YBX3: variants seen among roughly 807,000 people sequenced by gnomAD.
YBX3 encodes Y-box binding protein 3, also known as Y-box-binding protein 3.
Under a neutral mutation model 42.4 loss-of-function variants are expected in YBX3, and 29 were observed. The ratio of observed to expected loss-of-function variants is 0.68; its 90% confidence interval spans 0.51 to 0.93. The LOEUF is 0.93. YBX3 is among the 40% of genes least tolerant of loss of function. YBX3 has a pLI of 0.00. For synonymous variants in YBX3, 195 were observed against 189.8 expected (o/e 1.03, Z -0.22); for missense variants, 517 against 527.5 (o/e 0.98, Z 0.19).
chr12:10,717,384 C>T (rs1020435012), intron 3 of YBX3, among the ~76,000 whole-genome samples: 2 of 152,192 alleles, frequency 1.3e-5, no homozygotes, highest in African/African-American at 4.8e-5. Flanking sequence ...AAAAAGAACA[C>T]TAAGGATAGT....
chr12:10,723,075 T>C lies in YBX3; in HGVS notation c.37A>G (p.Thr13Ala). ...TCCGTCGGAGCCTGCGGGAGGGTGGTGGTGGTGGTGGTGGTGGCCTCGCCC... is the reference window on the plus strand; with the variant it reads ...TCCGTCGGAGCCTGCGGGAGGGTGGCGGTGGTGGTGGTGGTGGCCTCGCCC... ...EAGEATTTTT[T>A]TLPQAPTEAA... Residue 13 changes from threonine to alanine, a missense_variant, in exon 1 of 10, where the codon ACC becomes GCC. Coordinates refer to ENST00000228251, the MANE Select transcript of YBX3 (RefSeq NM_003651.5). 1 of 1,196,754 alleles carries C rather than the reference T, an allele frequency of 8.4e-7. No individual in the cohort carries two copies. Among genetic ancestry groups the C allele is most frequent in the Non-Finnish European group, 1.0e-6 (1 of 967,638 alleles). The allele number at this position is 1,196,754 out of a possible 1,614,324, so 74.1% of individuals were successfully genotyped here.
intron 3 of YBX3, 181 bp downstream of exon 3, chr12:10,717,907 G>A: frequency 2.2e-6 from 1 of 451,914 alleles, no homozygotes; most frequent in Non-Finnish European, 3.9e-6. Context: ...TTAATATGAT[G>A]GGGTAGAAGA....
chr12:10,715,275 T>G (rs1161650338), intron 4 of YBX3, among the ~76,000 whole-genome samples: 1 of 152,120 alleles, frequency 6.6e-6, no homozygotes. Flanking sequence ...CTGGGTGTGG[T>G]GGCTCACACC....
chr12:10,718,841 A>G (rs553788302), intron 2 of YBX3, among the ~76,000 whole-genome samples: 61 of 152,214 alleles, frequency 4.0e-4, no homozygotes, highest in African/African-American at 1.5e-3. Flanking sequence ...TTCTGATTTT[A>G]TCTCCCCCTC....
intron 4 of YBX3, among the ~76,000 whole-genome samples, chr12:10,713,771 T>C (rs1181653030): frequency 6.6e-6 from 1 of 152,228 alleles, no homozygotes; most frequent in Admixed American, 6.5e-5. Context: ...GCTCATATGA[T>C]TCTCTGTCCA....
intron 4 of YBX3, among the ~76,000 whole-genome samples, chr12:10,714,993 G>A (rs776387239): frequency 2.0e-5 from 3 of 151,522 alleles, no homozygotes; most frequent in East Asian, 2.0e-4. Flanking sequence ...CAGGAGATCC[G>A]CCTGCCTCAG....
rs1194438609 is a variant in YBX3 at position 10,723,293 on chromosome 12, C to G, written c.-182G>C. 1 of 1,032,482 alleles carries G rather than the reference C, an allele frequency of 9.7e-7. No individual in the cohort carries two copies. 64.0% of individuals were successfully genotyped at this position (1,032,482 alleles called of 1,614,324 possible). On this transcript the variant is annotated 5_prime_UTR_variant, in exon 1 of 10. Coordinates refer to ENST00000228251, the MANE Select transcript of YBX3 (RefSeq NM_003651.5). ...GGCGGCTCGAGCTTCGTGCTGCGCGCTCTCTCTTGGGCTCCTCGCTCGATC... is the reference window on the plus strand; with the variant it reads ...GGCGGCTCGAGCTTCGTGCTGCGCGGTCTCTCTTGGGCTCCTCGCTCGATC...
chr12:10,711,702 C>T (rs1591578925), intron 5 of YBX3: 1 of 152,268 alleles, frequency 6.6e-6, no homozygotes, highest in East Asian at 1.9e-4. Context: ...GATATTACAA[C>T]AAAAAAGCTC....
intron 6 of YBX3, among the ~76,000 whole-genome samples, chr12:10,705,533 T>C (rs968532919): frequency 6.6e-6 from 1 of 152,208 alleles, no homozygotes; most frequent in African/African-American, 2.4e-5. Flanking sequence ...CACTGCATTC[T>C]CCTCACTGCA....
At chr12:10,703,245 A>G (rs1591572887) in intron 7 of YBX3, 1 of 152,354 alleles carries the variant, frequency 6.6e-6, no homozygotes, top group African/African-American at 2.4e-5. Flanking sequence ...ATACTGACAA[A>G]TTTCAAGGTA....
At chr12:10,719,472 T>C (rs1948300948) in intron 1 of YBX3, among the ~76,000 whole-genome samples, 1 of 152,138 alleles carries the variant, frequency 6.6e-6, no homozygotes, top group Admixed American at 6.5e-5. Flanking sequence ...TGTTCCAAGT[T>C]TTAACCTAGA....
intron 3 of YBX3, chr12:10,717,593 T>A (rs1948276674): frequency 6.6e-6 from 1 of 152,420 alleles, no homozygotes; most frequent in East Asian, 1.9e-4. Context: ...ACATGCCTCA[T>A]TTAACAAGAG....
intron 6 of YBX3, among the ~76,000 whole-genome samples, chr12:10,705,660 CTTTG>C (rs1948129714): frequency 1.3e-5 from 2 of 152,202 alleles, no homozygotes; most frequent in Non-Finnish European, 2.9e-5. Context: ...CTCTTTCCTT[CTTTG>C]TAATTAATGA....
At chr12:10,715,284 C>T (rs1192013921) in intron 4 of YBX3, among the ~76,000 whole-genome samples, 2 of 151,776 alleles carry the variant, frequency 1.3e-5, no homozygotes, top group African/African-American at 4.8e-5. Flanking sequence ...GTGGCTCACA[C>T]CTGTAATCCC....
chr12:10,709,867 G>A, intron 6 of YBX3, 41 bp downstream of exon 6: 1 of 1,607,660 alleles, frequency 6.2e-7, no homozygotes, highest in South Asian at 1.1e-5. Context: ...AAGGACGGAA[G>A]GGTGAGGATT....
rs1321503920 is a variant in YBX3 at position 10,701,300 on chromosome 12, G to A, written c.1107C>T (p.Ser369=). ...GAGGAGCCTGGTGTTACTCAGCACT[G>A]CTCTGCTGGGTGGGTGGAGCAGGGT... ...TENPAPPTQQ[S]SAE is the part of the protein sequence containing the mutation. Residue 369 remains serine (S), a synonymous_variant, in exon 9 of 10, where the codon AGC becomes AGT. Coordinates refer to ENST00000228251, the MANE Select transcript of YBX3 (RefSeq NM_003651.5). The A allele has an allele frequency of 1.3e-6, 1 of 780,848 alleles. No homozygotes were observed. The highest frequency in any genetic ancestry group is 2.4e-6 in the Non-Finnish European group (1 of 418,124). The allele number at this position is 780,848 out of a possible 1,614,324, so 48.4% of individuals were successfully genotyped here.
chr12:10,714,705 G>C (rs916757099), intron 4 of YBX3, among the ~76,000 whole-genome samples: 3 of 151,728 alleles, frequency 2.0e-5, no homozygotes, highest in South Asian at 4.1e-4. Context: ...TTACAAGTCA[G>C]CCTGAAAACT....
chr12:10,719,192 A>G, intron 1 of YBX3, 49 bp from the exon 2 acceptor site: 4 of 1,460,460 alleles, frequency 2.7e-6, no homozygotes, highest in Non-Finnish European at 3.8e-6. Flanking sequence ...ACAGAGAGAT[A>G]TAGCTCATAT....
At chr12:10,706,577 C>T (rs1304883862) in intron 6 of YBX3, among the ~76,000 whole-genome samples, 2 of 152,218 alleles carry the variant, frequency 1.3e-5, no homozygotes. Context: ...GCTGCTCCTT[C>T]TCACTGTCCT....
Sources: allele counts gnomAD v4.1 joint callset (sites outside exome capture counted in the v4.1 genomes callset), GRCh38; gene constraint gnomAD v4.1.1; transcripts MANE v1.5; gene names NCBI Gene and HGNC (gene_info 2026-07-23, HGNC 2026-07-21).